ABR: variants seen among roughly 807,000 people sequenced by gnomAD.
The protein encoded by ABR is ABR activator of RhoGEF and GTPase.
In ABR, 35 loss-of-function variants were observed where a neutral mutation model predicts 107.2. That is an observed-to-expected ratio of 0.33 (90% CI 0.25 to 0.43). The LOEUF is 0.43. ABR is among the 20% of genes least tolerant of loss of function. The probability of loss-of-function intolerance (pLI) is 1.00; values close to 1 mark genes in which losing one functional copy is unlikely to be tolerated. For missense variants in ABR, 815 were observed against 1,115.2 expected, an observed-to-expected ratio of 0.73 and a Z score of 3.83; for synonymous variants, 498 against 462.0, an observed-to-expected ratio of 1.08 and a Z score of -1.00.
chr17:1,137,704 G>C (rs1246507472), intron 1 of ABR, among the ~76,000 whole-genome samples: 1 of 152,024 alleles, frequency 6.6e-6, no homozygotes, highest in East Asian at 1.9e-4. Context: ...CTTCCAACTG[G>C]TGAAAAAAAA....
chr17:1,143,008 G>T (rs1229440444), intron 1 of ABR, among the ~76,000 whole-genome samples: 1 of 124,872 alleles, frequency 8.0e-6, no homozygotes, highest in African/African-American at 3.0e-5. Context: ...GCTCATTCCT[G>T]GGGACAGCTC....
intron 1 of ABR, among the ~76,000 whole-genome samples, chr17:1,207,048 C>T (rs1007122842): frequency 6.6e-6 from 1 of 151,780 alleles, no homozygotes; most frequent in African/African-American, 2.4e-5. Context: ...CTCACCACTG[C>T]ACTCCAGCCT....
At chr17:1,161,965 C>T (rs137892393) in intron 1 of ABR, among the ~76,000 whole-genome samples, 49 of 152,352 alleles carry the variant, frequency 3.2e-4, no homozygotes, top group Non-Finnish European at 5.6e-4. Flanking sequence ...GAGCCCCAAA[C>T]CAGCCCGGGA....
intron 16 of ABR, among the ~76,000 whole-genome samples, chr17:1,029,629 C>T (rs1002587340): frequency 1.3e-5 from 2 of 152,178 alleles, no homozygotes; most frequent in Non-Finnish European, 2.9e-5. Flanking sequence ...CCCACCGAAA[C>T]GAAACTGCCT....
chr17:1,021,218 CA>C (rs1211379883), intron 16 of ABR, among the ~76,000 whole-genome samples: 1 of 152,216 alleles, frequency 6.6e-6, no homozygotes, highest in Non-Finnish European at 1.5e-5. Context: ...GGACGTGATC[CA>C]GGGGCTCACT....
intron 1 of ABR, among the ~76,000 whole-genome samples, chr17:1,143,629 G>A (rs1038806185): frequency 1.3e-5 from 2 of 152,116 alleles, no homozygotes; most frequent in Non-Finnish European, 2.9e-5. Flanking sequence ...CACCATGGGC[G>A]GGTGTTATGG....
Position 1,078,700 on chromosome 17 carries a change from G to T in ABR, c.700+630C>A. 3.6e-6 allele frequency: 4 copies of T among 1,121,806 alleles called. No individual in the cohort carries two copies. Among genetic ancestry groups the T allele is most frequent in the Non-Finnish European group, 5.0e-6 (4 of 795,448 alleles). The allele number at this position is 1,121,806 out of a possible 1,614,324, so 69.5% of individuals were successfully genotyped here. On this transcript the variant is annotated intron_variant, in intron 6 of 22. Coordinates refer to ENST00000302538, the MANE Select transcript of ABR (RefSeq NM_021962.5). This position sits in a 1 kb window ranked among gnomAD's most constrained non-coding sequence, Gnocchi z 7.5. ...AGGGGGAATTCAGGTCCAGCCGCTC[G>T]CCCACCCTCCTTCCCTGCGGCCCTC...
chr17:1,160,104 T>C (rs1302852221), intron 1 of ABR, among the ~76,000 whole-genome samples: 1 of 151,960 alleles, frequency 6.6e-6, no homozygotes, highest in African/African-American at 2.4e-5. Context: ...CTTACACCAA[T>C]AGGAGCAGAG....
upstream of ABR, among the ~76,000 whole-genome samples, chr17:1,180,701 GA>G (rs1416787089): frequency 6.6e-6 from 1 of 152,224 alleles, no homozygotes; most frequent in Non-Finnish European, 1.5e-5. Flanking sequence ...TCATCACCTA[GA>G]AATGGTGGGA....
chr17:1,070,135 G>A lies in ABR; in HGVS notation c.895-45C>T, dbSNP rs763757659. 58 of 1,609,662 alleles carry A rather than the reference G, an allele frequency of 3.6e-5. 1 individual carries two copies. Among genetic ancestry groups the A allele is most frequent in the Middle Eastern group, 3.6e-4 (2 of 5,562 alleles). Reference sequence around the variant, plus strand: ...CCCCAGCCTGCTCAGAGGGGAATGCGGCCGAGGGCAGAGCCTGCACACGGG... The same window carrying A: ...CCCCAGCCTGCTCAGAGGGGAATGCAGCCGAGGGCAGAGCCTGCACACGGG... On this transcript the variant is annotated intron_variant, in intron 8 of 22. Transcript: ENST00000302538. The surrounding 1 kb of genome is among the most constrained non-coding windows in gnomAD (Gnocchi z 4.2).
intron 2 of ABR, among the ~76,000 whole-genome samples, chr17:1,113,548 A>G (rs1243419910): frequency 1.3e-5 from 2 of 151,936 alleles, no homozygotes; most frequent in East Asian, 3.9e-4. Flanking sequence ...CGGCCTCCCA[A>G]AGGGCTGGGA....
At chr17:1,082,745 C>T (rs113824700) in intron 5 of ABR, among the ~76,000 whole-genome samples, 62 of 152,272 alleles carry the variant, frequency 4.1e-4, no homozygotes, top group African/African-American at 1.3e-3. Flanking sequence ...TTGGGCCCCA[C>T]GCAAAGCCTT....
chr17:1,104,784 T>C (rs1233374961), intron 2 of ABR, among the ~76,000 whole-genome samples: 1 of 152,228 alleles, frequency 6.6e-6, no homozygotes, highest in Non-Finnish European at 1.5e-5. Context: ...ACGGGTCAAC[T>C]GCTGGGGGAC....
intron 16 of ABR, chr17:1,031,746 G>GGC (rs1202308382): frequency 2.0e-5 from 25 of 1,237,312 alleles, no homozygotes; most frequent in Non-Finnish European, 2.4e-5. Context: ...GGTCATGCCG[G>GGC]GGGGGACGGG....
chr17:1,055,972 C>T, intron 14 of ABR, 63 bp downstream of exon 14: 1 of 1,498,644 alleles, frequency 6.7e-7, no homozygotes, highest in South Asian at 1.1e-5. Flanking sequence ...GGGCCCCATC[C>T]TGGGCAGAGC....
At chr17:1,041,451 T>G (rs543555648) in intron 16 of ABR, among the ~76,000 whole-genome samples, 3 of 152,088 alleles carry the variant, frequency 2.0e-5, no homozygotes, top group Non-Finnish European at 4.4e-5. Flanking sequence ...ATAAAGAAAC[T>G]TGGCCGGGTG....
At chr17:1,009,234 TTCCCCACTGCTGTCCAC>T (rs2070321682) in intron 21 of ABR, among the ~76,000 whole-genome samples, 1 of 40,246 alleles carries the variant, frequency 2.5e-5, no homozygotes, top group African/African-American at 8.3e-5. Context: ...CTACTGTCCA[TTCCCCACTGCTGTCCAC>T]CCCCCACTGC....
chr17:1,164,782 T>C (rs1428182325), intron 1 of ABR, among the ~76,000 whole-genome samples: 1 of 152,122 alleles, frequency 6.6e-6, no homozygotes, highest in African/African-American at 2.4e-5. Flanking sequence ...TCCTCCCACC[T>C]CAGCCTCCGT....
chr17:1,181,318 G>A (rs573834187), upstream of ABR, among the ~76,000 whole-genome samples: 15 of 152,304 alleles, frequency 9.8e-5, no homozygotes, highest in African/African-American at 3.4e-4. Context: ...AGGGGAGATG[G>A]GGGTCACCCA....
Sources: allele counts gnomAD v4.1 joint callset (sites outside exome capture counted in the v4.1 genomes callset), GRCh38; gene constraint gnomAD v4.1.1; non-coding constraint Gnocchi (gnomAD v3.1); transcripts MANE v1.5; gene names NCBI Gene and HGNC (gene_info 2026-07-23, HGNC 2026-07-21).